PINX1: variants seen among roughly 807,000 people sequenced by gnomAD.
PINX1 encodes PIN2/TERF1-interacting telomerase inhibitor 1.
A neutral mutation model predicts 25.4 loss-of-function variants in PINX1; 34 were observed. The ratio of observed to expected loss-of-function variants is 1.34; its 90% CI spans 1.02 to 1.78. The LOEUF is 1.78. Ranked by LOEUF, PINX1 falls within the 40% of genes most tolerant of loss-of-function variation. The pLI is 0.00. For missense variants in PINX1, 592 were observed against 404.9 expected (o/e 1.46, Z -3.97); for synonymous variants, 197 against 147.7 (o/e 1.33, Z -2.42).
rs201305201 is a variant in PINX1 at position 10,839,747 on chromosome 8, G to A, written c.10C>T (p.Leu4=). The change falls in exon 1 of 7, where the codon CTG becomes TTG. Residue 4 remains leucine (L), a synonymous_variant. Transcript: ENST00000314787. ...CGCTTCCGACACTCACGTTCAGCCA[G>A]CATAGACATGTCGGAGAGCCTGTGA... is the stretch of plus-strand genomic sequence containing the variant. MSM[L]AERRRKQKWA... 25 of 1,605,520 alleles carry A rather than the reference G, an allele frequency of 1.6e-5. No individual in the cohort carries two copies. The highest frequency in any genetic ancestry group is 2.1e-5 in the Non-Finnish European group (25 of 1,176,138).
chr8:10,837,957 T>A (rs113638023), intron 1 of PINX1, among the ~76,000 whole-genome samples: 1 of 152,214 alleles, frequency 6.6e-6, no homozygotes, highest in Non-Finnish European at 1.5e-5. Context: ...CGTAGGAGTA[T>A]ACTCTTATAA....
chr8:10,821,791 T>C (rs1037105848), intron 5 of PINX1: 2 of 152,202 alleles, frequency 1.3e-5, no homozygotes, highest in Non-Finnish European at 2.9e-5. Flanking sequence ...ACCTATCCTC[T>C]GGAATAGAGA....
rs927639504 is a variant in PINX1 at position 10,765,339 on chromosome 8, A to T, written c.*62T>A. The T allele has an allele frequency of 1.4e-6, 2 of 1,442,854 alleles. No homozygotes were observed. The highest frequency in any genetic ancestry group is 1.4e-5 in the African/African-American group (1 of 70,706). The allele number at this position is 1,442,854 out of a possible 1,614,324, so 89.4% of individuals were successfully genotyped here. A position where few individuals can be genotyped will look rare whatever the true frequency, so the allele number is the denominator to read the frequency against. ...GAACTCTGCTGTGACTTCAGGCCAG[A>T]GGTGTCTGCCCCCGCAGTGCCCTGA... On this transcript the variant is annotated 3_prime_UTR_variant, in exon 7 of 7. Transcript: ENST00000314787.
At chr8:10,808,002 T>C (rs998645755) in intron 6 of PINX1, among the ~76,000 whole-genome samples, 3 of 149,458 alleles carry the variant, frequency 2.0e-5, no homozygotes, top group African/African-American at 7.7e-5. Context: ...CCAAAGAGTC[T>C]AGAGGGAAAA....
At chr8:10,837,587 C>T (rs897815657) in intron 1 of PINX1, among the ~76,000 whole-genome samples, 15 of 152,172 alleles carry the variant, frequency 9.9e-5, no homozygotes, top group African/African-American at 2.7e-4. Context: ...GGTAGAATGC[C>T]CTGAATCTGC....
chr8:10,814,984 G>C (rs754102366), intron 6 of PINX1, among the ~76,000 whole-genome samples: 1 of 152,194 alleles, frequency 6.6e-6, no homozygotes, highest in Non-Finnish European at 1.5e-5. Context: ...CTGTGACCCA[G>C]GCTGGAGTGC....
chr8:10,765,539 C>T lies in PINX1; in HGVS notation c.849G>A (p.Pro283=), dbSNP rs537202319. The change falls in exon 7 of 7, where the codon CCG becomes CCA. Residue 283 remains proline, a synonymous_variant. Coordinates refer to ENST00000314787, the MANE Select transcript of PINX1 (RefSeq NM_017884.6). ...SAQDAGDHVQ[P]PEGRDFTLKP... ...TCAGGGTGAAGTCCCGGCCCTCAGG[C>T]GGCTGCACATGGTCCCCTGCATCCT... 10 of 1,613,600 alleles carry T rather than the reference C, an allele frequency of 6.2e-6. No homozygotes were observed. Among genetic ancestry groups the T allele is most frequent in the East Asian group, 2.2e-5 (1 of 44,892 alleles).
intron 6 of PINX1, among the ~76,000 whole-genome samples, chr8:10,801,812 C>A (rs1286133749): frequency 6.6e-6 from 1 of 152,172 alleles, no homozygotes; most frequent in Non-Finnish European, 1.5e-5. Context: ...CTCAAGAATC[C>A]AGACTGCCAG....
At chr8:10,825,451 A>AGACAAACTGGGGAGTTG in intron 5 of PINX1, 1 of 534,806 alleles carries the variant, frequency 1.9e-6, no homozygotes, top group South Asian at 1.4e-5. Flanking sequence ...ACTGTTCTAC[A>AGACAAACTGGGGAGTTG]GACAAACTGG....
At chr8:10,796,401 C>T (rs1007912258) in intron 6 of PINX1, among the ~76,000 whole-genome samples, 18 of 152,092 alleles carry the variant, frequency 1.2e-4, no homozygotes, top group Non-Finnish European at 2.4e-4. Flanking sequence ...CCATTTCTAC[C>T]TCTCGTATCC....
At chr8:10,810,133 G>A (rs758450966) in intron 6 of PINX1, among the ~76,000 whole-genome samples, 8 of 152,098 alleles carry the variant, frequency 5.3e-5, no homozygotes, top group African/African-American at 1.7e-4. Flanking sequence ...TAAGGGATCC[G>A]CCCCAACAAC....
chr8:10,839,075 C>T (rs1358097093), intron 1 of PINX1, among the ~76,000 whole-genome samples: 1 of 152,174 alleles, frequency 6.6e-6, no homozygotes, highest in East Asian at 1.9e-4. Flanking sequence ...AAGCGACCTT[C>T]GCTACAGGTA....
chr8:10,769,718 C>T lies in PINX1; in HGVS notation c.472-3802G>A, dbSNP rs945803130. Reference sequence around the variant, plus strand: ...AGAGTGAGACTCCTAGCACTTAATCCGCAGAAGGTCTCACAGCTGGAACAC... The same window carrying T: ...AGAGTGAGACTCCTAGCACTTAATCTGCAGAAGGTCTCACAGCTGGAACAC... On this transcript the variant is annotated intron_variant, in intron 6 of 6. Coordinates refer to ENST00000314787, the MANE Select transcript of PINX1 (RefSeq NM_017884.6). Among the ~76,000 whole-genome samples, 5 of 152,196 alleles carry T rather than the reference C, an allele frequency of 3.3e-5. No homozygotes were observed. The South Asian group carries it at 6.2e-4, about 19-fold the overall frequency.
intron 1 of PINX1, 162 bp downstream of exon 1, chr8:10,839,576 C>A: frequency 1.5e-6 from 1 of 688,648 alleles, no homozygotes; most frequent in Non-Finnish European, 2.5e-6. Flanking sequence ...GGGAGCTCTG[C>A]GGCGAGCAGG....
At chr8:10,790,394 A>C (rs1801885309) in intron 6 of PINX1, among the ~76,000 whole-genome samples, 1 of 152,232 alleles carries the variant, frequency 6.6e-6, no homozygotes, top group Non-Finnish European at 1.5e-5. Flanking sequence ...AAAAGTTAAC[A>C]GCACGAGCGA....
chr8:10,795,471 G>A (rs1210464826), intron 6 of PINX1, among the ~76,000 whole-genome samples: 3 of 152,156 alleles, frequency 2.0e-5, no homozygotes, highest in Non-Finnish European at 4.4e-5. Flanking sequence ...CGCGATCTCG[G>A]CTCAGTGCAA....
At chr8:10,800,974 C>T (rs1173602781) in intron 6 of PINX1, among the ~76,000 whole-genome samples, 1 of 152,292 alleles carries the variant, frequency 6.6e-6, no homozygotes, top group African/African-American at 2.4e-5. Flanking sequence ...GAGATGGCGG[C>T]CCCTGGGGGA....
At chr8:10,795,571 T>C (rs1057062151) in intron 6 of PINX1, among the ~76,000 whole-genome samples, 2 of 152,170 alleles carry the variant, frequency 1.3e-5, no homozygotes, top group African/African-American at 4.8e-5. Context: ...TGGCTAATTT[T>C]TGTATTCTTA....
intron 4 of PINX1, among the ~76,000 whole-genome samples, chr8:10,828,711 C>G (rs1224716560): frequency 2.0e-5 from 3 of 152,310 alleles, no homozygotes; most frequent in African/African-American, 4.8e-5. Context: ...TTCACGTGCA[C>G]TCATGCCTGA....
Sources: gnomAD v4.1 joint callset for allele counts (sites outside exome capture counted in the v4.1 genomes callset) on GRCh38, gnomAD v4.1.1 for gene constraint, MANE v1.5 for transcripts, NCBI Gene and HGNC (gene_info 2026-07-23, HGNC 2026-07-21) for gene names.